The following KDM4B variants were observed in gnomAD, a reference collection of about 807,000 sequenced individuals.
KDM4B encodes lysine demethylase 4B.
A neutral mutation model predicts 125.2 loss-of-function variants in KDM4B; 32 were observed. That is an observed-to-expected ratio of 0.26 (90% CI 0.19 to 0.34). KDM4B has a LOEUF of 0.34. KDM4B is among the 10% of genes least tolerant of loss of function. KDM4B has a pLI of 1.00. For missense variants in KDM4B, 1,190 were observed against 1,577.7 expected (o/e 0.75, Z 4.16); for synonymous variants, 721 against 677.9 (o/e 1.06, Z -0.99).
Position 5,133,906 on chromosome 19 carries a change from G to A in KDM4B, c.1930G>A (p.Glu644Lys), listed in dbSNP as rs1457259521. 1.9e-6 allele frequency: 3 copies of A among 1,613,088 alleles called. No homozygotes were observed. Among genetic ancestry groups the A allele is most frequent in the Non-Finnish European group, 2.5e-6 (3 of 1,179,912 alleles). Residue 644 changes from glutamate (E) to lysine (K), a missense_variant, in exon 14 of 23, where the codon GAA (glutamate) becomes AAA (lysine). Physicochemically the swap from Glu to Lys is moderately conservative, Grantham distance 56. Around this residue, in one of 7 missense-constraint regions of KDM4B, gnomAD observed 128 missense variants for 137.8 expected, o/e 0.93. Transcript: ENST00000159111. ...DEEASPFSGE[E>K]DVSDPDALRP... ...AGAGGCATCCCCTTTCTCCGGGGAGGAAGATGTGAGTGACCCGGACGCCTT... is the reference window on the plus strand; with the variant it reads ...AGAGGCATCCCCTTTCTCCGGGGAGAAAGATGTGAGTGACCCGGACGCCTT...
intron 3 of KDM4B, among the ~76,000 whole-genome samples, chr19:5,037,519 C>T (rs2036667729): frequency 6.6e-6 from 1 of 152,226 alleles, no homozygotes; most frequent in East Asian, 1.9e-4. Context: ...CCCCAGGCGC[C>T]TTTTGCACTG....
intron 9 of KDM4B, among the ~76,000 whole-genome samples, chr19:5,104,125 G>A (rs1331682435): frequency 6.6e-6 from 1 of 152,200 alleles, no homozygotes; most frequent in East Asian, 1.9e-4. Flanking sequence ...CCTGGCCAAT[G>A]AGTCCCGCTG....
chr19:5,130,865 G>A (rs2620840), intron 11 of KDM4B, among the ~76,000 whole-genome samples: 30,313 of 152,254 alleles, frequency 0.2, 3,118 homozygotes, highest in East Asian at 0.4. Context: ...GTTGTGGGGA[G>A]ACCAAGGCCT....
intron 18 of KDM4B, among the ~76,000 whole-genome samples, chr19:5,138,969 C>A (rs1323679377): frequency 6.6e-6 from 1 of 152,228 alleles, no homozygotes; most frequent in Non-Finnish European, 1.5e-5. Flanking sequence ...GTTACCCAGG[C>A]TGGAGTGCAG....
At chr19:4,974,366 T>C (rs976690448) in intron 1 of KDM4B, among the ~76,000 whole-genome samples, 9 of 149,916 alleles carry the variant, frequency 6.0e-5, no homozygotes, top group Non-Finnish European at 1.3e-4. Context: ...CGCGCCACTG[T>C]ACTCCAGCCT....
chr19:5,086,386 A>G (rs1031998892), intron 9 of KDM4B, among the ~76,000 whole-genome samples: 2 of 152,122 alleles, frequency 1.3e-5, no homozygotes, highest in Admixed American at 6.5e-5. Context: ...ACGTCTTCAC[A>G]GGGTTGTGGG....
chr19:5,047,890 G>T (rs911764991), intron 6 of KDM4B, among the ~76,000 whole-genome samples: 1 of 152,210 alleles, frequency 6.6e-6, no homozygotes, highest in African/African-American at 2.4e-5. Context: ...GGCCCCTAGA[G>T]CTTGCGCTTT....
rs934926506 is a variant in KDM4B, at chr19:5,066,147, C to T, written c.627-4863C>T. On this transcript the variant is annotated intron_variant, in intron 6 of 22. Coordinates refer to ENST00000159111, the MANE Select transcript of KDM4B (RefSeq NM_015015.3). ...TCTCTGCTTCTGGGTCCCAGCCCCT[C>T]GAGAGGTGGCCCGGCCCCCACTCTT... Among the ~76,000 whole-genome samples the T allele has an allele frequency of 3.9e-5, 6 of 152,334 alleles. No homozygotes were observed. In the East Asian group the frequency reaches 5.8e-4, roughly 15 times the overall value.
chr19:5,061,007 A>C (rs2145775442), intron 6 of KDM4B, among the ~76,000 whole-genome samples: 2 of 152,210 alleles, frequency 1.3e-5, no homozygotes, highest in African/African-American at 4.8e-5. Flanking sequence ...GTCTGCTCCT[A>C]ATTAAAGTGG....
At chr19:5,024,356 C>T (rs1193275295) in intron 2 of KDM4B, among the ~76,000 whole-genome samples, 3 of 152,130 alleles carry the variant, frequency 2.0e-5, no homozygotes, top group Middle Eastern at 3.2e-3. Context: ...CCTGCCAAGC[C>T]CCTGCATCTG....
At chr19:4,978,506 C>CAAAAAAAAAAAAAAAAAAAAAAAAAA (rs58304162) in intron 1 of KDM4B, among the ~76,000 whole-genome samples, 1 of 36,394 alleles carries the variant, frequency 2.7e-5, no homozygotes, top group Non-Finnish European at 4.5e-5. Context: ...GACTCTGTCT[C>CAAAAAAAAAAAAAAAAAAAAAAAAAA]AAAAAAAAAA....
intron 7 of KDM4B, 135 bp downstream of exon 7, chr19:5,071,194 A>T (rs1434996150): frequency 2.7e-6 from 2 of 728,342 alleles, no homozygotes; most frequent in Non-Finnish European, 4.5e-6. Flanking sequence ...ACATTCTTTG[A>T]GCCATTACTG....
At chr19:4,973,185 C>T (rs1322913114) in intron 1 of KDM4B, among the ~76,000 whole-genome samples, 1 of 152,132 alleles carries the variant, frequency 6.6e-6, no homozygotes, top group Non-Finnish European at 1.5e-5. Flanking sequence ...GCTAGTTGCA[C>T]ATACTTTTAT....
chr19:5,051,044 G>C (rs957852137), intron 6 of KDM4B, among the ~76,000 whole-genome samples: 3 of 152,196 alleles, frequency 2.0e-5, no homozygotes. Context: ...GGCAGCCCCT[G>C]CAGGGCCCAC....
At chr19:5,093,110 G>A (rs541906406) in intron 9 of KDM4B, among the ~76,000 whole-genome samples, 78 of 152,338 alleles carry the variant, frequency 5.1e-4, no homozygotes, top group Non-Finnish European at 9.6e-4. Context: ...GGTGGTGCCT[G>A]GCACAGAAGC....
intron 1 of KDM4B, among the ~76,000 whole-genome samples, chr19:4,989,759 T>G (rs1266427548): frequency 1.3e-5 from 2 of 151,958 alleles, no homozygotes; most frequent in African/African-American, 4.8e-5. Context: ...TTCAAGCGAT[T>G]CTCCTGCCTC....
intron 9 of KDM4B, among the ~76,000 whole-genome samples, chr19:5,108,126 C>T (rs952654358): frequency 1.4e-4 from 22 of 152,358 alleles, no homozygotes; most frequent in Middle Eastern, 6.8e-3. Context: ...CTCCGTGGAG[C>T]GTGTCTGCCT....
At chr19:4,979,175 C>T (rs956810900) in intron 1 of KDM4B, among the ~76,000 whole-genome samples, 2 of 152,072 alleles carry the variant, frequency 1.3e-5, no homozygotes, top group Admixed American at 6.6e-5. Flanking sequence ...CCCAGCTACT[C>T]GGGAGGCTGA....
rs566298629 is a variant in KDM4B, at chr19:5,077,479, G to C, written c.780+9G>C. 1.5e-4 allele frequency: 241 copies of C among 1,608,560 alleles called. 4 individuals carry two copies. The South Asian group carries it at 2.5e-3, about 17-fold the overall frequency. On this transcript the variant is annotated intron_variant, in intron 8 of 22. Coordinates refer to ENST00000159111, the MANE Select transcript of KDM4B (RefSeq NM_015015.3). ...GGATCCCCTTCAGCCGGGTGCGTAC[G>C]GGTGGGGCCTGCACGCCTGTGGGTG...
Sources: gnomAD v4.1 joint callset for allele counts (sites outside exome capture counted in the v4.1 genomes callset) on GRCh38, gnomAD v4.1.1 for gene constraint, gnomAD v4.1.1 regional missense constraint, MANE v1.5 for transcripts, NCBI Gene and HGNC (gene_info 2026-07-23, HGNC 2026-07-21) for gene names.